The following SIPA1L2 variants were observed in gnomAD, a reference collection of about 807,000 sequenced individuals.
SIPA1L2 encodes the protein signal induced proliferation associated 1 like 2, also known as signal-induced proliferation-associated 1-like protein 2.
A neutral mutation model predicts 163.9 loss-of-function variants in SIPA1L2; 56 were observed. That is an observed-to-expected ratio of 0.34 (90% confidence interval 0.28 to 0.43). SIPA1L2 has a LOEUF of 0.43. Among genes scored for constraint, SIPA1L2 ranks in the 20% least tolerant of loss-of-function variants. The pLI, the probability that SIPA1L2 is intolerant of heterozygous loss-of-function variation, is 1.00. For synonymous variants in SIPA1L2, 877 were observed against 865.7 expected (o/e 1.01, Z -0.23); for missense variants, 1,974 against 2,193.5 (o/e 0.90, Z 2.00).
intron 15 of SIPA1L2, among the ~76,000 whole-genome samples, chr1:232,436,275 C>G (rs1034385709): frequency 1.4e-4 from 22 of 152,240 alleles, no homozygotes; most frequent in African/African-American, 5.3e-4. Flanking sequence ...GGCCACGACC[C>G]TATCAGCTCA....
chr1:232,500,846 T>C (rs1275653582), intron 3 of SIPA1L2, among the ~76,000 whole-genome samples: 1 of 152,138 alleles, frequency 6.6e-6, no homozygotes, highest in Non-Finnish European at 1.5e-5. Flanking sequence ...CATCGTATGT[T>C]ACGGAAAAAT....
intron 2 of SIPA1L2, among the ~76,000 whole-genome samples, chr1:232,517,051 G>C (rs1667248060): frequency 6.6e-6 from 1 of 152,148 alleles, no homozygotes; most frequent in African/African-American, 2.4e-5. Flanking sequence ...GTAAATTGCA[G>C]TGTTTTCTAT....
intron 4 of SIPA1L2, among the ~76,000 whole-genome samples, chr1:232,492,606 C>A (rs1665988080): frequency 6.6e-6 from 1 of 152,200 alleles, no homozygotes; most frequent in Non-Finnish European, 1.5e-5. Context: ...AAAAGCAAGA[C>A]AAGCAAGAAT....
At chr1:232,485,621 TA>T (rs1329373068) in intron 5 of SIPA1L2, among the ~76,000 whole-genome samples, 1 of 152,190 alleles carries the variant, frequency 6.6e-6, no homozygotes, top group Non-Finnish European at 1.5e-5. Context: ...TTCAGGGTCT[TA>T]AAGTGCATTA....
rs1659173625 is a variant in SIPA1L2 at position 232,563,685 on chromosome 1, T to C, written c.-270+10489A>G. On this transcript the variant is annotated intron_variant, in intron 2 of 22. Coordinates refer to ENST00000674635, the MANE Select transcript of SIPA1L2 (RefSeq NM_020808.5). Reference sequence around the variant, plus strand: ...GTTTTAAGTTTCTGAGGTGCACAGCTAGGGCTTAGACCGCTGCTTAAAACA... The same window carrying C: ...GTTTTAAGTTTCTGAGGTGCACAGCCAGGGCTTAGACCGCTGCTTAAAACA... Among the ~76,000 whole-genome samples, 3 of 152,196 alleles carry C rather than the reference T, an allele frequency of 2.0e-5. 1 individual carries two copies. Among genetic ancestry groups the C allele is most frequent in the African/African-American group, 7.2e-5 (3 of 41,450 alleles).
chr1:232,490,994 T>G lies in SIPA1L2; in HGVS notation c.1686A>C (p.Arg562=). Residue 562 remains arginine, a synonymous_variant, in exon 5 of 23, where the codon CGA becomes CGC. Coordinates refer to ENST00000674635, the MANE Select transcript of SIPA1L2 (RefSeq NM_020808.5). ...CCAAAACTTCTTTGAGAGGTAGTCC[T>G]CGTGCGGTACCATGCCTAGCAGTAG... is the stretch of plus-strand genomic sequence containing the variant. ...IPSTARHGTA[R]GLPLKEVLEY... is the part of the protein sequence containing the mutation. 1 of 1,614,160 alleles carries G rather than the reference T, an allele frequency of 6.2e-7. No homozygotes were observed. Among genetic ancestry groups the G allele is most frequent in the Non-Finnish European group, 8.5e-7 (1 of 1,180,014 alleles).
intron 1 of SIPA1L2, among the ~76,000 whole-genome samples, chr1:232,615,482 T>C (rs1358949237): frequency 1.3e-5 from 2 of 152,176 alleles, no homozygotes; most frequent in African/African-American, 4.8e-5. Context: ...CCAGTGGAAC[T>C]TCCTCTGAAT....
At chr1:232,588,639 C>T (rs541113535) in intron 1 of SIPA1L2, among the ~76,000 whole-genome samples, 1 of 152,172 alleles carries the variant, frequency 6.6e-6, no homozygotes, top group East Asian at 1.9e-4. Flanking sequence ...CCACTATTAT[C>T]TGAAAGGAAA....
At chr1:232,452,360 G>A (rs763860361) in intron 10 of SIPA1L2, among the ~76,000 whole-genome samples, 6 of 152,068 alleles carry the variant, frequency 3.9e-5, no homozygotes, top group Non-Finnish European at 7.3e-5. Context: ...CACGGTCACT[G>A]CCAAGTACTG....
At chr1:232,533,605 G>A (rs1243285688) in intron 2 of SIPA1L2, among the ~76,000 whole-genome samples, 1 of 152,182 alleles carries the variant, frequency 6.6e-6, no homozygotes, top group East Asian at 1.9e-4. Flanking sequence ...AGAGATAACA[G>A]GCAAAGTGTT....
chr1:232,573,507 T>C (rs1365587327), intron 2 of SIPA1L2, among the ~76,000 whole-genome samples: 3 of 152,210 alleles, frequency 2.0e-5, no homozygotes, highest in African/African-American at 7.2e-5. Context: ...AATCCATTTT[T>C]GACAATCCAA....
At chr1:232,478,032 C>G (rs1465209008) in intron 7 of SIPA1L2, among the ~76,000 whole-genome samples, 1 of 152,210 alleles carries the variant, frequency 6.6e-6, no homozygotes, top group Non-Finnish European at 1.5e-5. Context: ...AGTTTAATTA[C>G]TGAATGATTC....
intron 15 of SIPA1L2, among the ~76,000 whole-genome samples, chr1:232,436,417 G>A (rs776589852): frequency 1.1e-4 from 16 of 152,178 alleles, no homozygotes; most frequent in Non-Finnish European, 1.5e-4. Context: ...TCAGGGGCAC[G>A]GAGCACTTGG....
In SIPA1L2 at chr1:232,441,888, G is replaced by C; in HGVS notation, c.3438-20C>G. 1 of 1,599,632 alleles carries C rather than the reference G, an allele frequency of 6.3e-7. No individual in the cohort carries two copies. The highest frequency in any genetic ancestry group is 8.5e-7 in the Non-Finnish European group (1 of 1,170,578). On this transcript the variant is annotated intron_variant, in intron 12 of 22. Transcript: ENST00000674635. Reference sequence around the variant, plus strand: ...TGGCACCTGAAAAGAACACAGAGTTGAGCCTGTCCTTTCTCAACCGTGCCA... The same window carrying C: ...TGGCACCTGAAAAGAACACAGAGTTCAGCCTGTCCTTTCTCAACCGTGCCA...
At chr1:232,490,616 T>G in intron 5 of SIPA1L2, 1 of 378,092 alleles carries the variant, frequency 2.6e-6, no homozygotes, top group Non-Finnish European at 4.7e-6. Flanking sequence ...TGCAATCAGA[T>G]GCACTCTTGC....
At chr1:232,540,318 C>A (rs1040763125) in intron 2 of SIPA1L2, among the ~76,000 whole-genome samples, 3 of 152,038 alleles carry the variant, frequency 2.0e-5, no homozygotes, top group East Asian at 1.9e-4. Flanking sequence ...ACAACAGCAA[C>A]AACAAAAAAA....
At position 232,439,238 on chromosome 1, in the gene SIPA1L2, C is replaced by A. The variant is rs1028548480; in HGVS notation, c.3901G>T (p.Ala1301Ser). The A allele has an allele frequency of 1.9e-6, 3 of 1,613,998 alleles. No homozygotes were observed. In the African/African-American group the frequency reaches 4.0e-5, roughly 21 times the overall value. The change falls in exon 15 of 23, where the codon GCC becomes TCC. Residue 1301 changes from alanine to serine, a missense_variant. Ala to Ser is a moderately conservative substitution (Grantham distance 99). Transcript: ENST00000674635. ...TCGTCGTCAGGCCCAGAGACGTCGG[C>A]AGCATCAGCCCACTGCTCGGCCCGG... ...HSRAEQWADA[A>S]DVSGPDDEPA...
intron 10 of SIPA1L2, among the ~76,000 whole-genome samples, chr1:232,451,307 T>G (rs1315813421): frequency 6.6e-6 from 1 of 152,172 alleles, no homozygotes; most frequent in East Asian, 1.9e-4. Context: ...CATGCTGCAG[T>G]GCCCATCAGA....
At chr1:232,507,266 G>T (rs1260022868) in intron 3 of SIPA1L2, among the ~76,000 whole-genome samples, 1 of 151,146 alleles carries the variant, frequency 6.6e-6, no homozygotes, top group Non-Finnish European at 1.5e-5. Flanking sequence ...TCCTTCATTT[G>T]GAATTTTTCT....
Sources: gnomAD v4.1 joint callset for allele counts (sites outside exome capture counted in the v4.1 genomes callset) on GRCh38, gnomAD v4.1.1 for gene constraint, MANE v1.5 for transcripts, NCBI Gene and HGNC (gene_info 2026-07-23, HGNC 2026-07-21) for gene names.